TPCN1: variants seen among roughly 807,000 people sequenced by gnomAD.
The protein encoded by TPCN1 is two pore channel protein 1.
Under a neutral mutation model 108.8 loss-of-function variants are expected in TPCN1, and 52 were observed. That is an observed-to-expected ratio of 0.48 (90% CI 0.38 to 0.60). The LOEUF (loss-of-function observed/expected upper bound fraction) is 0.60. Ranked by LOEUF, TPCN1 falls within the 20% of genes least tolerant of loss-of-function variation. TPCN1 has a pLI of 0.00. For synonymous variants in TPCN1, 446 were observed against 433.7 expected (o/e 1.03, Z -0.35); for missense variants, 806 against 1,072.8 (o/e 0.75, Z 3.47).
intron 2 of TPCN1, among the ~76,000 whole-genome samples, chr12:113,251,587 G>A (rs974526189): frequency 6.6e-6 from 1 of 152,248 alleles, no homozygotes; most frequent in Non-Finnish European, 1.5e-5. Context: ...TGTCCCGTGG[G>A]GGGGCTCCAG....
At chr12:113,295,449 A>G (rs990987685) in intron 27 of TPCN1, among the ~76,000 whole-genome samples, 26 of 151,518 alleles carry the variant, frequency 1.7e-4, no homozygotes, top group Non-Finnish European at 3.2e-4. Context: ...CTCCTAAAAA[A>G]AAAAAAAAAA....
chr12:113,226,988 G>C (rs905601086), intron 2 of TPCN1, 24 bp downstream of exon 2: 2 of 1,593,768 alleles, frequency 1.3e-6, no homozygotes, highest in Non-Finnish European at 1.7e-6. Context: ...GTGGGCTGGG[G>C]GGACCCCAGC....
At chr12:113,237,937 T>A (rs1234171592) in intron 2 of TPCN1, among the ~76,000 whole-genome samples, 1 of 152,156 alleles carries the variant, frequency 6.6e-6, no homozygotes. Flanking sequence ...ACGTTGAAGT[T>A]CCAGGGCCAC....
chr12:113,269,537 G>A lies in TPCN1; in HGVS notation c.660-220G>A, dbSNP rs1179615980. ...TCACCTCCTTGGGGCCTCACCAGGT[G>A]GAGGTGGCTGTGTGCTACGCCTGCC... On this transcript the variant is annotated intron_variant, in intron 6 of 27. Coordinates refer to ENST00000335509, the MANE Select transcript of TPCN1 (RefSeq NM_017901.6). This position sits in a 1 kb window ranked among gnomAD's most constrained non-coding sequence, Gnocchi z 5.0. Among the ~76,000 whole-genome samples, 1 of 152,160 alleles carries A rather than the reference G, an allele frequency of 6.6e-6. No homozygotes were observed. Among genetic ancestry groups the A allele is most frequent in the Non-Finnish European group, 1.5e-5 (1 of 68,028 alleles).
chr12:113,222,877 C>T (rs189219062), intron 1 of TPCN1, among the ~76,000 whole-genome samples: 1 of 152,314 alleles, frequency 6.6e-6, no homozygotes, highest in Non-Finnish European at 1.5e-5. Flanking sequence ...AACCTCTTCT[C>T]TGTGAGTTAA....
chr12:113,262,956 T>C (rs1955099350), intron 3 of TPCN1, among the ~76,000 whole-genome samples: 1 of 152,228 alleles, frequency 6.6e-6, no homozygotes, highest in African/African-American at 2.4e-5. Flanking sequence ...TGAACTGACC[T>C]TGTGCATCTC....
rs1324733573 is a variant in TPCN1, at chr12:113,298,025, G to A, written c.*1949G>A. On this transcript the variant is annotated 3_prime_UTR_variant, in exon 28 of 28. Coordinates refer to ENST00000335509, the MANE Select transcript of TPCN1 (RefSeq NM_017901.6). The stretch of plus-strand genomic sequence containing the variant: ...AGGGGAGTCAAGGCCCCGAGGTGGG[G>A]GGGCCTATTCCAGGAGGAGTGGGAT... 1 of 152,398 alleles carries A rather than the reference G, an allele frequency of 6.6e-6. No homozygotes were observed. The highest frequency in any genetic ancestry group is 2.4e-5 in the African/African-American group (1 of 41,454). The allele number at this position is 152,398 out of a possible 1,614,324, so 9.4% of individuals were successfully genotyped here. A position where few individuals can be genotyped will look rare whatever the true frequency, so the allele number is the denominator to read the frequency against.
At chr12:113,243,058 G>T (rs1234043106) in intron 2 of TPCN1, among the ~76,000 whole-genome samples, 1 of 152,234 alleles carries the variant, frequency 6.6e-6, no homozygotes, top group Non-Finnish European at 1.5e-5. Context: ...GTGTTTGCAT[G>T]TAGGTGGTCA....
At chr12:113,227,473 TG>T (rs1953515970) in intron 2 of TPCN1, among the ~76,000 whole-genome samples, 1 of 152,158 alleles carries the variant, frequency 6.6e-6, no homozygotes, top group Non-Finnish European at 1.5e-5. Context: ...TTTGAGGGCT[TG>T]GGGTTTTGCT....
At chr12:113,253,109 G>T (rs1432934995) in intron 2 of TPCN1, among the ~76,000 whole-genome samples, 1 of 152,164 alleles carries the variant, frequency 6.6e-6, no homozygotes, top group Non-Finnish European at 1.5e-5. Context: ...TTCTCACTAG[G>T]AGCATGACCC....
chr12:113,282,807 T>C (rs1256048755), intron 15 of TPCN1, among the ~76,000 whole-genome samples: 1 of 148,034 alleles, frequency 6.8e-6, no homozygotes, highest in Non-Finnish European at 1.5e-5. Flanking sequence ...AAATTAGGCC[T>C]GGGCATGGTG....
rs1956000860 is a variant in TPCN1 at position 113,284,557 on chromosome 12, C to T, written c.1343-24C>T. 1.9e-6 allele frequency: 3 copies of T among 1,613,772 alleles called. No homozygotes were observed. The highest frequency in any genetic ancestry group is 2.5e-6 in the Non-Finnish European group (3 of 1,179,974). On this transcript the variant is annotated intron_variant, in intron 15 of 27. Transcript: ENST00000335509. This position sits in a 1 kb window ranked among gnomAD's most constrained non-coding sequence, Gnocchi z 4.1. ...CTAAGCCCCCCTGTTATTTCTCTGT[C>T]TTTTACGGGCCTGTGTATTTCAGAC...
At chr12:113,244,802 T>G in intron 2 of TPCN1, 2 of 975,724 alleles carry the variant, frequency 2.0e-6, no homozygotes, top group Non-Finnish European at 2.4e-6. Flanking sequence ...GGTCCCAGTT[T>G]CTGGATGAAG....
intron 2 of TPCN1, among the ~76,000 whole-genome samples, chr12:113,237,666 A>G (rs1041245818): frequency 6.6e-6 from 1 of 152,048 alleles, no homozygotes. Flanking sequence ...GCCAGTCCCT[A>G]CTTCTTAAGA....
intron 10 of TPCN1, among the ~76,000 whole-genome samples, chr12:113,276,077 T>C (rs1260983647): frequency 6.6e-6 from 1 of 152,234 alleles, no homozygotes; most frequent in Non-Finnish European, 1.5e-5. Flanking sequence ...CATTTGTTCA[T>C]GTATAGTCTG....
rs913622797 is a variant in TPCN1 at position 113,288,697 on chromosome 12, G to A, written c.1707-61G>A. On this transcript the variant is annotated intron_variant, in intron 20 of 27. Transcript: ENST00000335509. The surrounding 1 kb of genome is among the most constrained non-coding windows in gnomAD (Gnocchi z 4.8). ...GCCCCACGGGTCCGAGGAGGCCGGG[G>A]CTGCAGAGGAGCCGTTCCCTCCTGC... 8.8e-6 allele frequency: 14 copies of A among 1,599,484 alleles called. No homozygotes were observed. The highest frequency in any genetic ancestry group is 1.1e-5 in the Non-Finnish European group (13 of 1,176,636).
intron 2 of TPCN1, chr12:113,250,169 T>A (rs760764742): frequency 2.0e-5 from 3 of 152,226 alleles, no homozygotes; most frequent in Non-Finnish European, 4.4e-5. Flanking sequence ...AAAGATGCCA[T>A]TGCCCTCCCT....
chr12:113,244,400 CCTTT>C, intron 2 of TPCN1: 1 of 985,424 alleles, frequency 1.0e-6, no homozygotes, highest in Non-Finnish European at 1.2e-6. Flanking sequence ...GGGTTTGGAG[CCTTT>C]ACTAACGTGT....
In TPCN1 at chr12:113,231,602, C is replaced by T. The variant is rs1442877955; in HGVS notation, c.112+4638C>T. 6.6e-6 allele frequency among the ~76,000 whole-genome samples: 1 copy of T among 152,208 alleles called. No individual in the cohort carries two copies. Among genetic ancestry groups the T allele is most frequent in the African/African-American group, 2.4e-5 (1 of 41,444 alleles). On this transcript the variant is annotated intron_variant, in intron 2 of 27. Coordinates refer to ENST00000335509, the MANE Select transcript of TPCN1 (RefSeq NM_017901.6). This position sits in a 1 kb window ranked among gnomAD's most constrained non-coding sequence, Gnocchi z 4.3. The stretch of plus-strand genomic sequence containing the variant: ...TCTTCAGAGGCAGGGACTGAGGAAT[C>T]TGGCTGTGCTGCCTGTGACCTTTAA...
Sources: allele counts gnomAD v4.1 joint callset (sites outside exome capture counted in the v4.1 genomes callset), GRCh38; gene constraint gnomAD v4.1.1; non-coding constraint Gnocchi (gnomAD v3.1); transcripts MANE v1.5; gene names NCBI Gene and HGNC (gene_info 2026-07-23, HGNC 2026-07-21).